The following TIMP3 variants were observed in gnomAD, a reference collection of about 807,000 sequenced individuals.
TIMP3 encodes the protein TIMP metallopeptidase inhibitor 3, also known as metalloproteinase inhibitor 3.
A neutral mutation model predicts 30.0 loss-of-function variants in TIMP3; 11 were observed. The observed-to-expected ratio is 0.37, with a 90% confidence interval of 0.23 to 0.61. The LOEUF (loss-of-function observed/expected upper bound fraction) is 0.61. Among genes scored for constraint, TIMP3 ranks in the 20% least tolerant of loss-of-function variants. The probability of loss-of-function intolerance (pLI) is 0.70; values close to 1 mark genes in which losing one functional copy is unlikely to be tolerated. For missense variants in TIMP3, 181 were observed against 276.8 expected, an observed-to-expected ratio of 0.65 and a Z score of 2.45; for synonymous variants, 112 against 111.3, an observed-to-expected ratio of 1.01 and a Z score of -0.04.
In TIMP3 at chr22:32,862,630, A is replaced by G. The variant is rs2048577688; in HGVS notation, c.*3253A>G. 6.6e-6 allele frequency: 1 copy of G among 152,254 alleles called. No homozygotes were observed. Among genetic ancestry groups the G allele is most frequent in the Admixed American group, 6.5e-5 (1 of 15,292 alleles). The allele number at this position is 152,254 out of a possible 1,614,324, so 9.4% of individuals were successfully genotyped here. A position where few individuals can be genotyped will look rare whatever the true frequency, so the allele number is the denominator to read the frequency against. On this transcript the variant is annotated 3_prime_UTR_variant, in exon 5 of 5. Transcript: ENST00000266085. ...TAGAGTATTTTTATGAGAGACAAAC[A>G]TTATAAAAATCTGATGGCAAAAGCA...
intron 1 of TIMP3, among the ~76,000 whole-genome samples, chr22:32,831,373 T>G (rs992681995): frequency 2.0e-5 from 3 of 151,844 alleles, no homozygotes; most frequent in African/African-American, 7.3e-5. Flanking sequence ...AGCATTAGAG[T>G]GGGCTGATAT....
At position 32,863,000 on chromosome 22, in the gene TIMP3, G is replaced by A. The variant is rs1601572123; in HGVS notation, c.*3623G>A. On this transcript the variant is annotated 3_prime_UTR_variant, in exon 5 of 5. Coordinates refer to ENST00000266085, the MANE Select transcript of TIMP3 (RefSeq NM_000362.5). ...GCATAATGTTCACTTTTTATAGTGTGTCCTTTATTCTAAACAGTAAAGTGG... is the reference window on the plus strand; with the variant it reads ...GCATAATGTTCACTTTTTATAGTGTATCCTTTATTCTAAACAGTAAAGTGG... The A allele has an allele frequency of 6.6e-6, 1 of 152,638 alleles. No homozygotes were observed. Among genetic ancestry groups the A allele is most frequent in the African/African-American group, 2.4e-5 (1 of 41,450 alleles). 9.5% of individuals were successfully genotyped at this position (152,638 alleles called of 1,614,324 possible). A position where few individuals can be genotyped will look rare whatever the true frequency, so the allele number is the denominator to read the frequency against.
chr22:32,857,900 C>A, intron 3 of TIMP3, 117 bp from the exon 4 acceptor site: 1 of 1,503,474 alleles, frequency 6.7e-7, no homozygotes, highest in South Asian at 1.1e-5. Flanking sequence ...AATCATGGGT[C>A]TGAAAAGTAC....
chr22:32,815,503 T>C (rs1162031236), intron 1 of TIMP3, among the ~76,000 whole-genome samples: 1 of 152,220 alleles, frequency 6.6e-6, no homozygotes, highest in Non-Finnish European at 1.5e-5. Flanking sequence ...TAAACTCTCA[T>C]AACCACTCAT....
At chr22:32,834,492 G>A (rs2047673597) in intron 1 of TIMP3, among the ~76,000 whole-genome samples, 1 of 152,100 alleles carries the variant, frequency 6.6e-6, no homozygotes, top group African/African-American at 2.4e-5. Context: ...AGCCTCCCAT[G>A]GGCAGGCAGA....
intron 1 of TIMP3, among the ~76,000 whole-genome samples, chr22:32,820,242 C>CTGTG (rs3054173): frequency 0.079 from 11,717 of 148,932 alleles, 532 homozygotes; most frequent in Non-Finnish European, 0.11. Context: ...CCTTTCTCCC[C>CTGTG]TGTGTGTGTG....
At chr22:32,852,696 C>T (rs538984323) in intron 2 of TIMP3, among the ~76,000 whole-genome samples, 1 of 152,270 alleles carries the variant, frequency 6.6e-6, no homozygotes, top group South Asian at 2.1e-4. Context: ...GAGCCTCTGA[C>T]CCATCTCTCA....
intron 2 of TIMP3, among the ~76,000 whole-genome samples, chr22:32,849,737 G>T (rs952535139): frequency 6.6e-6 from 1 of 152,174 alleles, no homozygotes; most frequent in African/African-American, 2.4e-5. Flanking sequence ...CCTTGTCCAA[G>T]AGCCCATGCA....
chr22:32,834,726 G>A (rs957824416), intron 1 of TIMP3, among the ~76,000 whole-genome samples: 1 of 152,184 alleles, frequency 6.6e-6, no homozygotes, highest in Non-Finnish European at 1.5e-5. Flanking sequence ...TGCTTTGCAG[G>A]GAGAGGTGCA....
Position 32,841,989 on chromosome 22 carries a change from C to T in TIMP3, c.122-7463C>T, listed in dbSNP as rs1013374760. ...GACCACGAGCCTGCACCTCGATGAC[C>T]GGACTGAGCACCAAGAAGGTCATGG... On this transcript the variant is annotated intron_variant, in intron 1 of 4. Coordinates refer to ENST00000266085, the MANE Select transcript of TIMP3 (RefSeq NM_000362.5). Among the ~76,000 whole-genome samples, 10 of 152,258 alleles carry T rather than the reference C, an allele frequency of 6.6e-5. No individual in the cohort carries two copies. In the South Asian group the frequency reaches 8.3e-4, roughly 13 times the overall value.
chr22:32,801,893 G>C lies in TIMP3; in HGVS notation c.-109G>C. The C allele has an allele frequency of 7.4e-7, 1 of 1,352,390 alleles. No homozygotes were observed. Among genetic ancestry groups the C allele is most frequent in the Non-Finnish European group, 9.5e-7 (1 of 1,056,832 alleles). 83.8% of individuals were successfully genotyped at this position (1,352,390 alleles called of 1,614,324 possible). The stretch of plus-strand genomic sequence containing the variant: ...GCGCGCCGGAGGCCAAGGTTGCCCC[G>C]CACGGCCCGGCGGGCGAGCGAGCTC... On this transcript the variant is annotated 5_prime_UTR_variant, in exon 1 of 5. Transcript: ENST00000266085. This position sits in a 1 kb window ranked among gnomAD's most constrained non-coding sequence, Gnocchi z 4.7.
intron 1 of TIMP3, among the ~76,000 whole-genome samples, chr22:32,811,705 T>C (rs184791733): frequency 4.6e-5 from 7 of 152,300 alleles, no homozygotes; most frequent in Middle Eastern, 6.8e-3. Context: ...GGGTCGGTCA[T>C]AGTTCCTAGT....
chr22:32,859,553 T>C lies in TIMP3; in HGVS notation c.*176T>C. 1.3e-6 allele frequency: 1 copy of C among 798,814 alleles called. No homozygotes were observed. Among genetic ancestry groups the C allele is most frequent in the Non-Finnish European group, 1.9e-6 (1 of 519,648 alleles). The allele number at this position is 798,814 out of a possible 1,614,324, so 49.5% of individuals were successfully genotyped here. The stretch of plus-strand genomic sequence containing the variant: ...TGGGGTTTATTGGGAACTATCCTCC[T>C]GGCCCCACCCTGCCCCTTCTTTTTG... On this transcript the variant is annotated 3_prime_UTR_variant, in exon 5 of 5. Coordinates refer to ENST00000266085, the MANE Select transcript of TIMP3 (RefSeq NM_000362.5).
rs1398690729 is a variant in TIMP3 at position 32,819,098 on chromosome 22, G to A, written c.121+16976G>A. 2.6e-5 allele frequency among the ~76,000 whole-genome samples: 4 copies of A among 152,262 alleles called. No homozygotes were observed. The East Asian group carries it at 7.7e-4, about 29-fold the overall frequency. On this transcript the variant is annotated intron_variant, in intron 1 of 4. Transcript: ENST00000266085. The stretch of plus-strand genomic sequence containing the variant: ...GCTGGATCTGCCACTTGGCCAGGGG[G>A]TCACAGGGTTTCAGATTGCTCAGGG...
chr22:32,819,473 A>G (rs2047176881), intron 1 of TIMP3, among the ~76,000 whole-genome samples: 1 of 152,190 alleles, frequency 6.6e-6, no homozygotes, highest in African/African-American at 2.4e-5. Flanking sequence ...ATTTCTAAGG[A>G]TGTCCATTGA....
chr22:32,843,746 G>A (rs2047983153), intron 1 of TIMP3, among the ~76,000 whole-genome samples: 1 of 152,110 alleles, frequency 6.6e-6, no homozygotes. Flanking sequence ...TGCCTGCTGG[G>A]GTCCCATCAG....
chr22:32,842,839 T>C (rs1329221074), intron 1 of TIMP3, among the ~76,000 whole-genome samples: 1 of 152,156 alleles, frequency 6.6e-6, no homozygotes, highest in East Asian at 1.9e-4. Flanking sequence ...TTTTTATTAC[T>C]AATCAGAGGA....
intron 1 of TIMP3, among the ~76,000 whole-genome samples, chr22:32,818,135 AGTCTGAAATT>A (rs1421438052): frequency 6.6e-6 from 1 of 152,244 alleles, no homozygotes; most frequent in Non-Finnish European, 1.5e-5. Flanking sequence ...AACCTAACTT[AGTCTGAAATT>A]GTCTGAAAAT....
intron 1 of TIMP3, among the ~76,000 whole-genome samples, chr22:32,819,150 T>C (rs1475847031): frequency 1.3e-5 from 2 of 152,208 alleles, no homozygotes; most frequent in Non-Finnish European, 2.9e-5. Context: ...TTTTTTCCAC[T>C]AGGGAGTGAG....
Sources: allele counts gnomAD v4.1 joint callset (sites outside exome capture counted in the v4.1 genomes callset), GRCh38; gene constraint gnomAD v4.1.1; non-coding constraint Gnocchi (gnomAD v3.1); transcripts MANE v1.5; gene names NCBI Gene and HGNC (gene_info 2026-07-23, HGNC 2026-07-21).